Variants in ST3GAL2 observed in about 807,000 individuals in gnomAD.
The protein encoded by ST3GAL2 is ST3 beta-galactoside alpha-2,3-sialyltransferase 2.
In ST3GAL2, 16 loss-of-function variants were observed where a neutral mutation model predicts 37.5. The ratio of observed to expected loss-of-function variants is 0.43; its 90% CI spans 0.29 to 0.65. The LOEUF (loss-of-function observed/expected upper bound fraction) is 0.65. Among genes scored for constraint, ST3GAL2 ranks in the 30% least tolerant of loss-of-function variants. ST3GAL2 has a pLI of 0.17. For missense variants in ST3GAL2, 383 were observed against 487.8 expected, an observed-to-expected ratio of 0.79 and a Z score of 2.02; for synonymous variants, 238 against 202.9, an observed-to-expected ratio of 1.17 and a Z score of -1.47.
At chr16:70,428,860 C>T (rs1245088306) in intron 1 of ST3GAL2, among the ~76,000 whole-genome samples, 1 of 152,210 alleles carries the variant, frequency 6.6e-6, no homozygotes, top group East Asian at 1.9e-4. Context: ...CACCTCCCAC[C>T]CTGGCTTTGG....
In ST3GAL2 at chr16:70,381,382, C is replaced by T. The variant is rs1483724199; in HGVS notation, c.*307G>A. The T allele has an allele frequency of 6.0e-6, 2 of 332,940 alleles. No homozygotes were observed. Among genetic ancestry groups the T allele is most frequent in the Non-Finnish European group, 1.1e-5 (2 of 178,924 alleles). The allele number at this position is 332,940 out of a possible 1,614,324, so 20.6% of individuals were successfully genotyped here. A position where few individuals can be genotyped will look rare whatever the true frequency, so the allele number is the denominator to read the frequency against. ...GAAAGCGTGAAAGAAAACCCTAACC[C>T]AAAGCATGAGGGAGTGGGGATTGAG... On this transcript the variant is annotated 3_prime_UTR_variant, in exon 7 of 7. Transcript: ENST00000342907.
chr16:70,407,990 G>A (rs1327515278), intron 1 of ST3GAL2, among the ~76,000 whole-genome samples: 8 of 152,180 alleles, frequency 5.3e-5, no homozygotes, highest in East Asian at 1.9e-4. Context: ...GGAGAAAGAC[G>A]AAAGATAAAG....
chr16:70,420,975 A>G lies in ST3GAL2; in HGVS notation c.-1004+17974T>C, dbSNP rs555875854. ...AACAGGGACCCTGGAAGTTCCAGCT[A>G]GGAAGAGAGGTCATTGTGAGCCCAC... is the stretch of plus-strand genomic sequence containing the variant. On this transcript the variant is annotated intron_variant, in intron 1 of 6. Transcript: ENST00000342907. Among the ~76,000 whole-genome samples the G allele has an allele frequency of 1.4e-3, 214 of 152,278 alleles. 2 individuals carry two copies. Among genetic ancestry groups the G allele is most frequent in the African/African-American group, 5.0e-3 (207 of 41,556 alleles).
At chr16:70,412,231 G>A (rs1050528587) in intron 1 of ST3GAL2, among the ~76,000 whole-genome samples, 1 of 152,178 alleles carries the variant, frequency 6.6e-6, no homozygotes, top group African/African-American at 2.4e-5. Context: ...ATTCCAGGTT[G>A]ACAAGGAGCT....
At chr16:70,424,210 G>A (rs1351452586) in intron 1 of ST3GAL2, among the ~76,000 whole-genome samples, 2 of 146,686 alleles carry the variant, frequency 1.4e-5, no homozygotes, top group Non-Finnish European at 3.0e-5. Context: ...GGTCAGACTG[G>A]TCTCGAACTC....
chr16:70,395,286 C>T (rs974020919), intron 2 of ST3GAL2, 111 bp from the exon 3 acceptor site: 1 of 1,017,740 alleles, frequency 9.8e-7, no homozygotes, highest in African/African-American at 1.6e-5. Flanking sequence ...GGGCACAGGC[C>T]TCTTTATCCA....
At chr16:70,412,932 G>C (rs189859161) in intron 1 of ST3GAL2, among the ~76,000 whole-genome samples, 2 of 152,054 alleles carry the variant, frequency 1.3e-5, no homozygotes, top group East Asian at 3.9e-4. Context: ...TGTGGTCCCA[G>C]AAAGTCAAGA....
intron 1 of ST3GAL2, among the ~76,000 whole-genome samples, chr16:70,415,938 G>C (rs2047674228): frequency 6.7e-6 from 1 of 149,762 alleles, no homozygotes; most frequent in South Asian, 2.1e-4. Context: ...ACCACGCCCA[G>C]CTAATTTTTG....
Position 70,398,207 on chromosome 16 carries a change from G to A in ST3GAL2, c.324C>T (p.Val108=). 6.2e-7 allele frequency: 1 copy of A among 1,612,934 alleles called. No individual in the cohort carries two copies. Among genetic ancestry groups the A allele is most frequent in the East Asian group, 2.2e-5 (1 of 44,872 alleles). ...CAGCTCTTACCATCCACCACCTCTG[G>A]ACGTCCGGTGGAAGATCCATGTTCT... ...TRENMDLPPD[V]QRWWMMLQPQ... Residue 108 remains valine, a synonymous_variant, in exon 2 of 7, where the codon GTC becomes GTT. Coordinates refer to ENST00000342907, the MANE Select transcript of ST3GAL2 (RefSeq NM_006927.4).
chr16:70,395,141 T>A lies in ST3GAL2; in HGVS notation c.374A>T (p.Asn125Ile), dbSNP rs764533643. 6.2e-7 allele frequency: 1 copy of A among 1,610,968 alleles called. No individual in the cohort carries two copies. The highest frequency in any genetic ancestry group is 1.1e-5 in the South Asian group (1 of 90,724). ...CTGGAACAGCTTCTCCAGCACCTCA[T>A]TGGTGTTGTGTGACTTGAACTGGGG... The part of the protein sequence containing the change: ...LQPQFKSHNT[N>I]EVLEKLFQIV... The change falls in exon 3 of 7, where the codon AAT (asparagine) becomes ATT (isoleucine). Residue 125 changes from asparagine (N) to isoleucine (I), a missense_variant. Asn to Ile is a moderately radical substitution (Grantham distance 149, BLOSUM62 -3). This residue lies in a region of ST3GAL2 where 223 missense variants were observed against 239.1 expected (regional missense o/e 0.93). Transcript: ENST00000342907.
At chr16:70,383,055 G>A in intron 5 of ST3GAL2, 131 bp from the exon 6 acceptor site, 1 of 1,579,908 alleles carries the variant, frequency 6.3e-7, no homozygotes, top group Non-Finnish European at 8.6e-7. Context: ...TGTGGCACCT[G>A]CTAGGGTCAG....
chr16:70,407,145 C>A (rs79757614), intron 1 of ST3GAL2, among the ~76,000 whole-genome samples: 1 of 149,618 alleles, frequency 6.7e-6, no homozygotes, highest in Non-Finnish European at 1.5e-5. Context: ...AACACTATGG[C>A]CTTTTTTTTT....
At chr16:70,386,142 T>G (rs2047441600) in intron 4 of ST3GAL2, among the ~76,000 whole-genome samples, 1 of 152,060 alleles carries the variant, frequency 6.6e-6, no homozygotes, top group African/African-American at 2.4e-5. Context: ...TGCCTCAGCC[T>G]CCCAAGTAGC....
intron 1 of ST3GAL2, among the ~76,000 whole-genome samples, chr16:70,432,922 G>A (rs2047800928): frequency 6.6e-6 from 1 of 152,244 alleles, no homozygotes; most frequent in Non-Finnish European, 1.5e-5. Flanking sequence ...AGCTGGCAGA[G>A]AGCCCCAGCT....
rs780996922 is a variant in ST3GAL2 at position 70,382,845 on chromosome 16, C to T, written c.839G>A (p.Gly280Glu). The T allele has an allele frequency of 6.2e-7, 1 of 1,614,014 alleles. No homozygotes were observed. The highest frequency in any genetic ancestry group is 8.5e-7 in the Non-Finnish European group (1 of 1,179,998). Residue 280 changes from glycine to glutamate, a missense_variant, in exon 6 of 7, where the codon GGG becomes GAG. Coordinates refer to ENST00000342907, the MANE Select transcript of ST3GAL2 (RefSeq NM_006927.4). ...TEHHGRYPST[G>E]MLVLFFALHV... is the part of the protein sequence containing the mutation. ...CAGGGCAAAGAAAAGCACCAGCATCCCCGTGGAAGGGTACCGCCCGTGATG... is the reference window on the plus strand; with the variant it reads ...CAGGGCAAAGAAAAGCACCAGCATCTCCGTGGAAGGGTACCGCCCGTGATG...
At chr16:70,432,880 C>T (rs1379849488) in intron 1 of ST3GAL2, among the ~76,000 whole-genome samples, 1 of 152,200 alleles carries the variant, frequency 6.6e-6, no homozygotes, top group Non-Finnish European at 1.5e-5. Flanking sequence ...TCCCGGGCTG[C>T]ATGTGGAAAC....
At position 70,408,906 on chromosome 16, in the gene ST3GAL2, A is replaced by G. The variant is rs952240632; in HGVS notation, c.-1003-9373T>C. 2.8e-4 allele frequency among the ~76,000 whole-genome samples: 32 copies of G among 113,462 alleles called. 1 individual carries two copies. The East Asian group carries it at 3.4e-3, about 12-fold the overall frequency. The allele number at this position is 113,462 out of a possible 152,430, so 74.4% of individuals were successfully genotyped here. A position where few individuals can be genotyped will look rare whatever the true frequency, so the allele number is the denominator to read the frequency against. The stretch of plus-strand genomic sequence containing the variant: ...TCAAAGAAACAAAAAAAAAAAAAAA[A>G]AAAAAAAAAAAAAAAAAAAAAGAAA... On this transcript the variant is annotated intron_variant, in intron 1 of 6. Coordinates refer to ENST00000342907, the MANE Select transcript of ST3GAL2 (RefSeq NM_006927.4).
At chr16:70,395,908 T>C (rs1385124756) in intron 2 of ST3GAL2, among the ~76,000 whole-genome samples, 2 of 152,142 alleles carry the variant, frequency 1.3e-5, no homozygotes, top group African/African-American at 2.4e-5. Flanking sequence ...AGGGCCAAAG[T>C]TTCCCATTTT....
chr16:70,401,643 C>T lies in ST3GAL2; in HGVS notation c.-1003-2110G>A, dbSNP rs530878946. On this transcript the variant is annotated intron_variant, in intron 1 of 6. Coordinates refer to ENST00000342907, the MANE Select transcript of ST3GAL2 (RefSeq NM_006927.4). Reference sequence around the variant, plus strand: ...AGCTGCCCACCACGTCATGGGCTTGCTCCCCTTCACAGCTACTCAGATCAT... The same window carrying T: ...AGCTGCCCACCACGTCATGGGCTTGTTCCCCTTCACAGCTACTCAGATCAT... Among the ~76,000 whole-genome samples the T allele has an allele frequency of 1.3e-4, 20 of 152,296 alleles. No individual in the cohort carries two copies. In the East Asian group the frequency reaches 3.7e-3, roughly 28 times the overall value.
Sources: gnomAD v4.1 joint callset for allele counts (sites outside exome capture counted in the v4.1 genomes callset) on GRCh38, gnomAD v4.1.1 for gene constraint, gnomAD v4.1.1 regional missense constraint, MANE v1.5 for transcripts, NCBI Gene and HGNC (gene_info 2026-07-23, HGNC 2026-07-21) for gene names.